The following CCDC40 variants were observed in gnomAD, a reference collection of about 807,000 sequenced individuals.
The protein encoded by CCDC40 is coiled-coil domain 40 molecular ruler complex subunit.
CCDC40 carries 104 observed loss-of-function variants against 124.5 expected under a neutral mutation model. The observed-to-expected ratio is 0.84, with a 90% confidence interval of 0.71 to 0.98. The LOEUF (loss-of-function observed/expected upper bound fraction) is 0.98, where lower values mean the gene tolerates loss of function less well. Among genes scored for constraint, CCDC40 ranks in the 50% least tolerant of loss-of-function variants. The pLI is 0.00. For missense variants in CCDC40, 1,463 were observed against 1,503.9 expected (o/e 0.97, Z 0.45); for synonymous variants, 580 against 602.9 (o/e 0.96, Z 0.56).
At chr17:80,095,009 T>C (rs1284251358) in intron 17 of CCDC40, among the ~76,000 whole-genome samples, 1 of 152,248 alleles carries the variant, frequency 6.6e-6, no homozygotes, top group African/African-American at 2.4e-5. Context: ...TTGCTTTTAG[T>C]TCTCACATCT....
In CCDC40 at chr17:80,050,175, C is replaced by G. The variant is rs369698429; in HGVS notation, c.1051C>G (p.Arg351Gly). 5.0e-5 allele frequency: 81 copies of G among 1,613,164 alleles called. No individual in the cohort carries two copies. In the South Asian group the frequency reaches 8.3e-4, roughly 17 times the overall value. Residue 351 changes from arginine to glycine, a missense_variant, in exon 7 of 20, where the codon CGC (arginine) becomes GGC (glycine). Transcript: ENST00000397545. ...GAAGCTGCTGGAGAAGAGTCACGACCGCCACGCAATGGCCTCGAGCGAGCG... is the reference window on the plus strand; with the variant it reads ...GAAGCTGCTGGAGAAGAGTCACGACGGCCACGCAATGGCCTCGAGCGAGCG... ...LQKLLEKSHD[R>G]HAMASSERRQ...
chr17:80,044,726 T>A (rs1207132565), intron 3 of CCDC40, among the ~76,000 whole-genome samples: 2 of 141,002 alleles, frequency 1.4e-5, no homozygotes, highest in East Asian at 3.9e-4. Flanking sequence ...AATATATATA[T>A]ATATATATAT....
chr17:80,036,772 G>A, intron 1 of CCDC40, 81 bp downstream of exon 1: 1 of 1,342,350 alleles, frequency 7.4e-7, no homozygotes, highest in Non-Finnish European at 9.9e-7. Flanking sequence ...CCCCCGCGTC[G>A]GCTCCTGCCT....
chr17:80,090,108 C>T lies in CCDC40; in HGVS notation c.2832+224C>T, dbSNP rs147143298. ...AAAGCGCACGTCCCCCTTGACCCAG[C>T]TTTTACCACACGCTTGCTTTTAATG... On this transcript the variant is annotated intron_variant, in intron 17 of 19. Coordinates refer to ENST00000397545, the MANE Select transcript of CCDC40 (RefSeq NM_017950.4). 15 of 1,536,458 alleles carry T rather than the reference C, an allele frequency of 9.8e-6. No homozygotes were observed. In the African/African-American group the frequency reaches 1.6e-4, roughly 17 times the overall value.
chr17:80,087,659 G>GGACCTGGACAAC lies in CCDC40; in HGVS notation c.2509_2520dup (p.Asp837_Leu840dup). ...AGAAGGAGATCGAGCACCACATGAA[G>GGACCTGGACAAC]GACCTGGACAACGACCTGAAGAAGC... On this transcript the variant is annotated inframe_insertion, in exon 15 of 20. Coordinates refer to ENST00000397545, the MANE Select transcript of CCDC40 (RefSeq NM_017950.4). The surrounding 1 kb of genome is among the most constrained non-coding windows in gnomAD (Gnocchi z 4.5). 1 of 1,614,054 alleles carries GGACCTGGACAAC rather than the reference G, an allele frequency of 6.2e-7. No homozygotes were observed. The highest frequency in any genetic ancestry group is 2.2e-5 in the East Asian group (1 of 44,874).
intron 5 of CCDC40, 132 bp downstream of exon 5, chr17:80,048,893 GTTTATT>G (rs2037502622): frequency 9.5e-6 from 8 of 845,334 alleles, no homozygotes; most frequent in Non-Finnish European, 1.6e-5. Context: ...TCACTGCACC[GTTTATT>G]GGCACTGATT....
intron 3 of CCDC40, among the ~76,000 whole-genome samples, chr17:80,046,928 CT>C (rs1392316137): frequency 6.6e-6 from 1 of 152,182 alleles, no homozygotes; most frequent in Non-Finnish European, 1.5e-5. Context: ...TCACTGCAAC[CT>C]CTGCCTCCCG....
intron 7 of CCDC40, among the ~76,000 whole-genome samples, chr17:80,056,066 G>T (rs1291478265): frequency 7.8e-6 from 1 of 128,692 alleles, no homozygotes; most frequent in Non-Finnish European, 1.6e-5. Flanking sequence ...TGCCCAGGCT[G>T]GTCTCCAATT....
chr17:80,046,569 T>C (rs1568673271), intron 3 of CCDC40, among the ~76,000 whole-genome samples: 2 of 132,218 alleles, frequency 1.5e-5, no homozygotes, highest in Non-Finnish European at 3.3e-5. Flanking sequence ...AAGAGTGGTT[T>C]CTGCGTGTCT....
At chr17:80,093,224 A>G (rs1315483576) in intron 17 of CCDC40, among the ~76,000 whole-genome samples, 1 of 151,792 alleles carries the variant, frequency 6.6e-6, no homozygotes, top group Non-Finnish European at 1.5e-5. Context: ...TGTTGTCCAG[A>G]CTGGAGTGCA....
intron 7 of CCDC40, chr17:80,051,311 A>G (rs1160402681): frequency 1.0e-6 from 1 of 983,118 alleles, no homozygotes. Context: ...GAAATTTCAG[A>G]GTTAGGGTAA....
intron 7 of CCDC40, among the ~76,000 whole-genome samples, chr17:80,057,744 C>T (rs1392329430): frequency 6.6e-6 from 1 of 151,914 alleles, no homozygotes; most frequent in Non-Finnish European, 1.5e-5. Context: ...GGCGTGGTGG[C>T]GGGCGCCTGT....
intron 12 of CCDC40, among the ~76,000 whole-genome samples, chr17:80,082,795 G>A (rs945129717): frequency 1.3e-5 from 2 of 152,228 alleles, no homozygotes; most frequent in African/African-American, 4.8e-5. Flanking sequence ...CCCCTGTCTG[G>A]GCAGCCCGAT....
At chr17:80,060,917 A>G (rs1291954815) in intron 9 of CCDC40, among the ~76,000 whole-genome samples, 1 of 152,266 alleles carries the variant, frequency 6.6e-6, no homozygotes, top group Non-Finnish European at 1.5e-5. Context: ...CCAGACACTA[A>G]AATAAATTCC....
In CCDC40 at chr17:80,086,211, T is replaced by C. The variant is rs1230769059; in HGVS notation, c.2444T>C (p.Val815Ala). The C allele has an allele frequency of 2.5e-6, 4 of 1,603,384 alleles. No homozygotes were observed. The highest frequency in any genetic ancestry group is 2.6e-6 in the Non-Finnish European group (3 of 1,175,336). Residue 815 changes from valine to alanine, a missense_variant, in exon 14 of 20, where the codon GTA becomes GCA. Val to Ala is a moderately conservative substitution (Grantham distance 64). Coordinates refer to ENST00000397545, the MANE Select transcript of CCDC40 (RefSeq NM_017950.4). This position sits in a 1 kb window ranked among gnomAD's most constrained non-coding sequence, Gnocchi z 5.5. Reference protein sequence around the residue: ...LHIMEQKKLRVESKIEQEKKE... With the variant: ...LHIMEQKKLRAESKIEQEKKE... ...ATCATGGAGCAGAAGAAACTACGAG[T>C]AGAAAGTAAGAGCCGCCGTGCCCGG...
chr17:80,068,996 G>A (rs1357226446), intron 10 of CCDC40, among the ~76,000 whole-genome samples: 4 of 152,186 alleles, frequency 2.6e-5, no homozygotes, highest in Admixed American at 6.5e-5. Flanking sequence ...TGGCCTGTCC[G>A]TCCACATGGG....
chr17:80,056,010 A>ATTTTTTTTTTT (rs1326886577), intron 7 of CCDC40, among the ~76,000 whole-genome samples: 19 of 13,784 alleles, frequency 1.4e-3, no homozygotes, highest in Admixed American at 4.2e-3. Flanking sequence ...ATATATATAT[A>ATTTTTTTTTTT]TATATATTTT....
Position 80,048,698 on chromosome 17 carries a change from C to CGAGGGGAGTGACGAGGAAGCAGAA in CCDC40, c.795_818dup (p.Glu265_Glu272dup). ...GGGCCATGGCAGAGAGAGTGGAGTCCGAGGGGAGTGACGAGGAAGCAGAAG... is the reference window on the plus strand; with the variant it reads ...GGGCCATGGCAGAGAGAGTGGAGTCCGAGGGGAGTGACGAGGAAGCAGAAGAGGGGAGTGACGAGGAAGCAGAAG... On this transcript the variant is annotated inframe_insertion, in exon 5 of 20. Coordinates refer to ENST00000397545, the MANE Select transcript of CCDC40 (RefSeq NM_017950.4). 6.2e-7 allele frequency: 1 copy of CGAGGGGAGTGACGAGGAAGCAGAA among 1,613,974 alleles called. No homozygotes were observed. The highest frequency in any genetic ancestry group is 1.1e-5 in the South Asian group (1 of 91,070).
At chr17:80,064,358 C>T (rs1425491776) in intron 9 of CCDC40, among the ~76,000 whole-genome samples, 1 of 152,114 alleles carries the variant, frequency 6.6e-6, no homozygotes, top group Non-Finnish European at 1.5e-5. Context: ...TTGGCTGACT[C>T]GGGCCGCCAG....
Sources: gnomAD v4.1 joint callset for allele counts (sites outside exome capture counted in the v4.1 genomes callset) on GRCh38, gnomAD v4.1.1 for gene constraint, Gnocchi (gnomAD v3.1) non-coding constraint, MANE v1.5 for transcripts, NCBI Gene and HGNC (gene_info 2026-07-23, HGNC 2026-07-21) for gene names.